XRCC5: variants seen among roughly 807,000 people sequenced by gnomAD.
XRCC5 encodes DNA repair protein Ku80.
XRCC5 carries 12 observed loss-of-function variants against 95.7 expected under a neutral mutation model. That is an observed-to-expected ratio of 0.13 (90% confidence interval 0.08 to 0.20). The LOEUF (loss-of-function observed/expected upper bound fraction) is 0.20, where lower values mean the gene tolerates loss of function less well. Ranked by LOEUF, XRCC5 falls within the 10% of genes least tolerant of loss-of-function variation. XRCC5 has a pLI of 1.00. For missense variants in XRCC5, 595 were observed against 873.9 expected, an observed-to-expected ratio of 0.68 and a Z score of 4.02; for synonymous variants, 281 against 290.3, an observed-to-expected ratio of 0.97 and a Z score of 0.33.
chr2:216,114,905 G>A lies in XRCC5; in HGVS notation c.136-1754G>A, dbSNP rs1696659518. On this transcript the variant is annotated intron_variant, in intron 2 of 20. Coordinates refer to ENST00000392132, the MANE Select transcript of XRCC5 (RefSeq NM_021141.4). The stretch of plus-strand genomic sequence containing the variant: ...CACTACGCATGCGGCCCCCTCTTAA[G>A]CAGTAGCAGGGCTAGTGCGCATGCG... 2.0e-5 allele frequency among the ~76,000 whole-genome samples: 3 copies of A among 152,288 alleles called. No individual in the cohort carries two copies. In the South Asian group the frequency reaches 6.2e-4, roughly 32 times the overall value.
chr2:216,185,918 A>T (rs1306878750), intron 16 of XRCC5, among the ~76,000 whole-genome samples: 1 of 152,162 alleles, frequency 6.6e-6, no homozygotes, highest in Non-Finnish European at 1.5e-5. Context: ...AGCCATTGCG[A>T]CTGGCCATAA....
At chr2:216,140,306 T>C (rs1697151597) in intron 12 of XRCC5, among the ~76,000 whole-genome samples, 1 of 152,250 alleles carries the variant, frequency 6.6e-6, no homozygotes, top group South Asian at 2.1e-4. Flanking sequence ...AACTACTTAC[T>C]CTTTTCCACC....
chr2:216,181,110 G>A (rs1000630461), intron 16 of XRCC5, among the ~76,000 whole-genome samples: 2 of 152,090 alleles, frequency 1.3e-5, no homozygotes, highest in African/African-American at 4.8e-5. Flanking sequence ...ACTGCGCCCG[G>A]CCTTGAGTTT....
At chr2:216,130,683 A>G (rs1243385327) in intron 8 of XRCC5, 192 bp from the exon 9 acceptor site, 3 of 508,770 alleles carry the variant, frequency 5.9e-6, no homozygotes, top group Non-Finnish European at 6.9e-6. Flanking sequence ...TCTATATTGT[A>G]TGTGTGGTTT....
At chr2:216,185,672 T>A (rs1245875105) in intron 16 of XRCC5, among the ~76,000 whole-genome samples, 1 of 141,422 alleles carries the variant, frequency 7.1e-6, no homozygotes, top group African/African-American at 3.0e-5. Context: ...GTTTTTTTCT[T>A]TTCTTTTTCT....
intron 3 of XRCC5, chr2:216,117,422 G>A (rs1043226285): frequency 3.7e-5 from 11 of 299,836 alleles, no homozygotes; most frequent in African/African-American, 1.9e-4. Context: ...ATTATGGTTC[G>A]CTTCATATTT....
intron 15 of XRCC5, 74 bp from the exon 16 acceptor site, chr2:216,161,905 C>A: frequency 8.3e-7 from 1 of 1,207,508 alleles, no homozygotes; most frequent in Non-Finnish European, 1.2e-6. Flanking sequence ...TTACATTAAG[C>A]CATCTTGTAT....
chr2:216,169,123 A>C (rs1214652686), intron 16 of XRCC5, among the ~76,000 whole-genome samples: 1 of 152,254 alleles, frequency 6.6e-6, no homozygotes, highest in Non-Finnish European at 1.5e-5. Flanking sequence ...AGAGACAGGC[A>C]CTATGAAGGA....
chr2:216,116,436 T>A (rs1470518027), intron 2 of XRCC5, among the ~76,000 whole-genome samples: 1 of 152,170 alleles, frequency 6.6e-6, no homozygotes, highest in Non-Finnish European at 1.5e-5. Context: ...CACCTCAACT[T>A]CTGCTGAAAT....
chr2:216,118,892 A>G (rs1009409854), intron 4 of XRCC5, 151 bp from the exon 5 acceptor site: 4 of 816,454 alleles, frequency 4.9e-6, no homozygotes, highest in East Asian at 2.5e-5. Flanking sequence ...TATGAATTTA[A>G]TAAGAACTTA....
chr2:216,179,785 C>T (rs1014767976), intron 16 of XRCC5, among the ~76,000 whole-genome samples: 2 of 152,166 alleles, frequency 1.3e-5, no homozygotes, highest in Non-Finnish European at 2.9e-5. Flanking sequence ...TTGCTTTTCT[C>T]TGAGTGAAAT....
At chr2:216,190,741 A>C (rs1168867244) in intron 17 of XRCC5, among the ~76,000 whole-genome samples, 1 of 152,234 alleles carries the variant, frequency 6.6e-6, no homozygotes, top group Admixed American at 6.5e-5. Context: ...TGAAGACAGG[A>C]GTAGGGATCT....
chr2:216,138,997 G>A (rs1467398973), intron 12 of XRCC5, among the ~76,000 whole-genome samples: 3 of 152,032 alleles, frequency 2.0e-5, no homozygotes, highest in African/African-American at 7.2e-5. Context: ...GGGTCCCTAG[G>A]GCCTGTATCT....
intron 14 of XRCC5, among the ~76,000 whole-genome samples, chr2:216,157,000 C>T (rs1484922001): frequency 6.6e-6 from 1 of 152,172 alleles, no homozygotes; most frequent in Non-Finnish European, 1.5e-5. Flanking sequence ...GGATCCTGCC[C>T]AGGCGACCGT....
chr2:216,132,496 T>C (rs1333994679), intron 10 of XRCC5, 109 bp downstream of exon 10: 1 of 1,107,208 alleles, frequency 9.0e-7, no homozygotes, highest in African/African-American at 1.6e-5. Context: ...ATTCTTGCAA[T>C]AGGAGTGGGG....
At chr2:216,120,780 G>A (rs1696791309) in intron 5 of XRCC5, among the ~76,000 whole-genome samples, 3 of 152,128 alleles carry the variant, frequency 2.0e-5, no homozygotes. Context: ...CTGTTGCCCA[G>A]GCTGGAGTGC....
intron 14 of XRCC5, among the ~76,000 whole-genome samples, chr2:216,151,099 A>G (rs972493166): frequency 6.6e-5 from 10 of 152,154 alleles, no homozygotes; most frequent in African/African-American, 2.4e-4. Context: ...AAGCAATAAT[A>G]GTATCATTAT....
intron 1 of XRCC5, among the ~76,000 whole-genome samples, chr2:216,112,649 C>T (rs1231135266): frequency 6.6e-6 from 1 of 152,208 alleles, no homozygotes; most frequent in Non-Finnish European, 1.5e-5. Flanking sequence ...TGTAGGTCTG[C>T]AGGTCAGCTG....
intron 14 of XRCC5, among the ~76,000 whole-genome samples, chr2:216,159,285 C>T (rs1257806795): frequency 1.3e-5 from 2 of 152,186 alleles, no homozygotes; most frequent in Admixed American, 6.6e-5. Context: ...AGGGAGATTA[C>T]AGGCAGAGTC....
Sources: gnomAD v4.1 joint callset for allele counts (sites outside exome capture counted in the v4.1 genomes callset) on GRCh38, gnomAD v4.1.1 for gene constraint, MANE v1.5 for transcripts, NCBI Gene and HGNC (gene_info 2026-07-23, HGNC 2026-07-21) for gene names.